Variants in ACTL6A observed in about 807,000 individuals in gnomAD.
ACTL6A encodes the protein actin like 6A.
Under a neutral mutation model 59.2 loss-of-function variants are expected in ACTL6A, and 5 were observed. That is an observed-to-expected ratio of 0.08 (90% CI 0.04 to 0.18). The LOEUF is 0.18. ACTL6A is among the 10% of genes least tolerant of loss of function. The pLI, the probability that ACTL6A is intolerant of heterozygous loss-of-function variation, is 1.00. For synonymous variants in ACTL6A, 154 were observed against 171.8 expected, an observed-to-expected ratio of 0.90 and a Z score of 0.81; for missense variants, 285 against 526.9, an observed-to-expected ratio of 0.54 and a Z score of 4.49.
chr3:179,585,007 G>A (rs1394183033), intron 12 of ACTL6A, among the ~76,000 whole-genome samples: 1 of 152,142 alleles, frequency 6.6e-6, no homozygotes, highest in Non-Finnish European at 1.5e-5. Flanking sequence ...GCACACAGTT[G>A]ACATCTGCCT....
intron 13 of ACTL6A, 102 bp from the exon 14 acceptor site, chr3:179,587,828 C>A: frequency 1.2e-6 from 1 of 843,360 alleles, no homozygotes; most frequent in Non-Finnish European, 1.8e-6. Context: ...GCACTCCAGC[C>A]TGGCTGACAG....
At chr3:179,585,876 T>C (rs1718474752) in intron 12 of ACTL6A, among the ~76,000 whole-genome samples, 1 of 152,030 alleles carries the variant, frequency 6.6e-6, no homozygotes, top group South Asian at 2.1e-4. Context: ...TGGAAGGAAA[T>C]AGTATGAATA....
In ACTL6A at chr3:179,563,133, C is replaced by G; in HGVS notation, c.25+16C>G. 6.2e-7 allele frequency: 1 copy of G among 1,611,020 alleles called. No homozygotes were observed. The highest frequency in any genetic ancestry group is 8.5e-7 in the Non-Finnish European group (1 of 1,178,880). ...TACGGGGGAGGTGAGTGAGTGCGGC[C>G]GGACGAGAGAGCGCGCCTTTTCGGC... On this transcript the variant is annotated intron_variant, in intron 1 of 13. Coordinates refer to ENST00000429709, the MANE Select transcript of ACTL6A (RefSeq NM_004301.5).
chr3:179,575,492 AT>A, intron 5 of ACTL6A: 1 of 454,736 alleles, frequency 2.2e-6, no homozygotes, highest in Non-Finnish European at 4.4e-6. Context: ...TGTTAAAGGA[AT>A]TTTAGTGCCA....
At chr3:179,574,331 T>A in intron 4 of ACTL6A, 39 bp from the exon 5 acceptor site, 8 of 1,334,882 alleles carry the variant, frequency 6.0e-6, no homozygotes, top group Non-Finnish European at 5.4e-6. Context: ...AACTTTTTAA[T>A]TCTTAATAAC....
At chr3:179,583,938 C>G (rs960655556) in intron 12 of ACTL6A, among the ~76,000 whole-genome samples, 49 of 152,172 alleles carry the variant, frequency 3.2e-4, no homozygotes, top group Admixed American at 1.8e-3. Flanking sequence ...TACAAAAATA[C>G]TAAGAGAAGA....
rs1277088176 is a variant in ACTL6A at position 179,571,420 on chromosome 3, C to CA, written c.277+1190dup. Among the ~76,000 whole-genome samples, 1,132 of 120,892 alleles carry CA rather than the reference C, an allele frequency of 9.4e-3. 16 individuals carry two copies. Among genetic ancestry groups the CA allele is most frequent in the African/African-American group, 0.041 (1,039 of 25,354 alleles). 79.3% of individuals were successfully genotyped at this position (120,892 alleles called of 152,430 possible). ...TGGGTGACAGAGTGAGACTCTGTCT[C>CA]AAAAAAAAAAACAAAAAAAAAAAAC... On this transcript the variant is annotated intron_variant, in intron 3 of 13. Coordinates refer to ENST00000429709, the MANE Select transcript of ACTL6A (RefSeq NM_004301.5).
rs372192634 is a variant in ACTL6A, at chr3:179,581,050, T to C, written c.945+42T>C. 18 of 1,598,890 alleles carry C rather than the reference T, an allele frequency of 1.1e-5. No individual in the cohort carries two copies. The African/African-American group carries it at 1.7e-4, about 16-fold the overall frequency. ...CATAATTAGCCTGGCTTTTCCTATA[T>C]AGGTAAAGAGCTTTTGTGGCTAAAA... On this transcript the variant is annotated intron_variant, in intron 10 of 13. Coordinates refer to ENST00000429709, the MANE Select transcript of ACTL6A (RefSeq NM_004301.5).
At chr3:179,575,382 C>A in intron 5 of ACTL6A, 1 of 456,636 alleles carries the variant, frequency 2.2e-6, no homozygotes, top group Non-Finnish European at 4.4e-6. Flanking sequence ...CCTGGGACAT[C>A]CTGAGCTTTT....
intron 12 of ACTL6A, among the ~76,000 whole-genome samples, chr3:179,584,720 G>C (rs1718434809): frequency 6.6e-6 from 1 of 152,090 alleles, no homozygotes; most frequent in Admixed American, 6.5e-5. Flanking sequence ...AGGAGGCGGA[G>C]GTTGCAGTAA....
At position 179,579,336 on chromosome 3, in the gene ACTL6A, G is replaced by A. The variant is rs372898757; in HGVS notation, c.769-1304G>A. ...CTGTAGGTTGTTTGCTTACTCTGTT[G>A]ATAGAAATTAATGTGTATCCAGCAA... On this transcript the variant is annotated intron_variant, in intron 8 of 13. Transcript: ENST00000429709. Among the ~76,000 whole-genome samples the A allele has an allele frequency of 5.3e-5, 8 of 152,140 alleles. No homozygotes were observed. In the East Asian group the frequency reaches 1.2e-3, roughly 22 times the overall value.
chr3:179,576,791 C>A (rs202173390), intron 7 of ACTL6A, 33 bp from the exon 8 acceptor site: 2 of 1,610,644 alleles, frequency 1.2e-6, no homozygotes, highest in Non-Finnish European at 1.7e-6. Context: ...ATGAAGTGAA[C>A]TCCATTAACC....
rs1013943878 is a variant in ACTL6A at position 179,578,627 on chromosome 3, A to T, written c.768+1714A>T. On this transcript the variant is annotated intron_variant, in intron 8 of 13. Transcript: ENST00000429709. ...AGTGAGAACCCATCTCAAAAAAGAA[A>T]AAAAAACAAATGGTAGTTCTGTTTT... 9.9e-5 allele frequency among the ~76,000 whole-genome samples: 15 copies of T among 152,164 alleles called. 1 individual carries two copies. The highest frequency in any genetic ancestry group is 9.8e-4 in the Admixed American group (15 of 15,272).
In ACTL6A at chr3:179,576,890, T is replaced by G. The variant is rs1460380102; in HGVS notation, c.745T>G (p.Ser249Ala). ...RKEKLPQVTR[S>A]WHNYMCNCVI... ...AGAGAAGTTGCCTCAGGTTACGAGGTCTTGGCACAATTATATGTGTAATGT... is the reference window on the plus strand; with the variant it reads ...AGAGAAGTTGCCTCAGGTTACGAGGGCTTGGCACAATTATATGTGTAATGT... Residue 249 changes from serine to alanine, a missense_variant, in exon 8 of 14, where the codon TCT becomes GCT. By Grantham distance (99) the Ser-to-Ala change is moderately conservative (BLOSUM62 1). Transcript: ENST00000429709. The G allele has an allele frequency of 2.4e-5, 39 of 1,613,846 alleles. No homozygotes were observed. Among genetic ancestry groups the G allele is most frequent in the Admixed American group, 8.3e-5 (5 of 59,974 alleles).
chr3:179,581,063 T>C (rs1479563988), intron 10 of ACTL6A, 55 bp downstream of exon 10: 1 of 1,599,274 alleles, frequency 6.3e-7, no homozygotes, highest in Non-Finnish European at 8.6e-7. Flanking sequence ...GTAAAGAGCT[T>C]TTGTGGCTAA....
At chr3:179,568,043 G>A (rs140927189) in intron 1 of ACTL6A, among the ~76,000 whole-genome samples, 311 of 151,878 alleles carry the variant, frequency 2.0e-3, no homozygotes, top group Non-Finnish European at 1.4e-3. Context: ...ATGGTGGTGC[G>A]CGTCTGTAGT....
chr3:179,584,596 A>C (rs563066381), intron 12 of ACTL6A, among the ~76,000 whole-genome samples: 4 of 146,618 alleles, frequency 2.7e-5, no homozygotes, highest in Admixed American at 1.4e-4. Context: ...ATTCCAACAG[A>C]GCAAGACTCC....
intron 1 of ACTL6A, among the ~76,000 whole-genome samples, chr3:179,568,520 A>G (rs1292848056): frequency 2.0e-5 from 3 of 148,080 alleles, no homozygotes; most frequent in Admixed American, 1.4e-4. Flanking sequence ...GACCCCATGC[A>G]TATTTTCTTT....
intron 12 of ACTL6A, 79 bp from the exon 13 acceptor site, chr3:179,586,463 ATTTG>A: frequency 1.1e-6 from 1 of 901,838 alleles, no homozygotes. Flanking sequence ...CCCTGTCTCT[ATTTG>A]AAAAAAAAAA....
Sources: allele counts gnomAD v4.1 joint callset (sites outside exome capture counted in the v4.1 genomes callset), GRCh38; gene constraint gnomAD v4.1.1; transcripts MANE v1.5; gene names NCBI Gene and HGNC (gene_info 2026-07-23, HGNC 2026-07-21).